The following CTNND2 variants were observed in gnomAD, a reference collection of about 807,000 sequenced individuals.
CTNND2 encodes catenin delta-2.
In CTNND2, 22 loss-of-function variants were observed where a neutral mutation model predicts 144.4. That is an observed-to-expected ratio of 0.15 (90% CI 0.11 to 0.22). The LOEUF (loss-of-function observed/expected upper bound fraction) is 0.22. Ranked by LOEUF, CTNND2 falls within the 10% of genes least tolerant of loss-of-function variation. The probability of loss-of-function intolerance (pLI) is 1.00; values close to 1 mark genes in which losing one functional copy is unlikely to be tolerated. For synonymous variants in CTNND2, 751 were observed against 695.6 expected (o/e 1.08, Z -1.25); for missense variants, 1,353 against 1,618.8 (o/e 0.84, Z 2.82).
chr5:11,878,960 C>T (rs1394003453), intron 1 of CTNND2, among the ~76,000 whole-genome samples: 1 of 152,190 alleles, frequency 6.6e-6, no homozygotes, highest in Non-Finnish European at 1.5e-5. Context: ...GAAGCTTTTA[C>T]AGGGTTCTTC....
chr5:11,297,117 G>A (rs943652842), intron 9 of CTNND2, among the ~76,000 whole-genome samples: 1 of 152,162 alleles, frequency 6.6e-6, no homozygotes, highest in African/African-American at 2.4e-5. Context: ...AGTCAGCCCA[G>A]TATGTGCCAA....
intron 1 of CTNND2, among the ~76,000 whole-genome samples, chr5:11,765,220 T>C (rs1789512854): frequency 6.6e-6 from 1 of 152,092 alleles, no homozygotes; most frequent in African/African-American, 2.4e-5. Context: ...ATGAAACAAA[T>C]GTTAAAATGG....
intron 3 of CTNND2, among the ~76,000 whole-genome samples, chr5:11,527,426 C>T (rs114318593): frequency 0.013 from 1,930 of 152,228 alleles, 17 homozygotes; most frequent in Non-Finnish European, 0.019. Context: ...CTGCATCCCG[C>T]ACAAGGCCTT....
chr5:11,288,596 T>G (rs1397126531), intron 9 of CTNND2, among the ~76,000 whole-genome samples: 1 of 151,966 alleles, frequency 6.6e-6, no homozygotes, highest in Non-Finnish European at 1.5e-5. Context: ...TTGGACAAAC[T>G]AATGGGGGAA....
chr5:11,805,929 G>A (rs1027716324), intron 1 of CTNND2, among the ~76,000 whole-genome samples: 5 of 152,228 alleles, frequency 3.3e-5, no homozygotes, highest in African/African-American at 9.6e-5. Flanking sequence ...CAAGGTCAAC[G>A]TCAATAATGG....
chr5:11,665,362 C>T (rs1301459970), intron 2 of CTNND2, among the ~76,000 whole-genome samples: 1 of 152,104 alleles, frequency 6.6e-6, no homozygotes, highest in Non-Finnish European at 1.5e-5. Flanking sequence ...AGTTGTGGTA[C>T]TGGTTTATAT....
In CTNND2 at chr5:11,614,972, G is replaced by C. The variant is rs532794423; in HGVS notation, c.175-49916C>G. On this transcript the variant is annotated intron_variant, in intron 2 of 21. Coordinates refer to ENST00000304623, the MANE Select transcript of CTNND2 (RefSeq NM_001332.4). ...AAATGGGCAATGATGCAAAATATGTGTTTTGTCTCACCATTTAAACATCAT... is the reference window on the plus strand; with the variant it reads ...AAATGGGCAATGATGCAAAATATGTCTTTTGTCTCACCATTTAAACATCAT... Among the ~76,000 whole-genome samples, 4 of 152,016 alleles carry C rather than the reference G, an allele frequency of 2.6e-5. No homozygotes were observed. In the East Asian group the frequency reaches 7.8e-4, roughly 30 times the overall value.
chr5:11,633,791 A>T (rs201425417), intron 2 of CTNND2, among the ~76,000 whole-genome samples: 6,183 of 151,548 alleles, frequency 0.041, 209 homozygotes, highest in East Asian at 0.11. Flanking sequence ...AAAAAAAAAA[A>T]TTAGTACAAC....
chr5:11,056,757 G>A (rs1207566808), intron 16 of CTNND2, among the ~76,000 whole-genome samples: 4 of 152,200 alleles, frequency 2.6e-5, no homozygotes, highest in African/African-American at 9.7e-5. Flanking sequence ...AAAGGGCAGT[G>A]CCATTCATAA....
chr5:11,475,093 G>T (rs919746286), intron 3 of CTNND2, among the ~76,000 whole-genome samples: 2 of 152,144 alleles, frequency 1.3e-5, no homozygotes, highest in Non-Finnish European at 2.9e-5. Context: ...TGTGTCTCAG[G>T]TATTACCGCC....
intron 1 of CTNND2, among the ~76,000 whole-genome samples, chr5:11,809,586 C>T (rs989406214): frequency 2.0e-5 from 3 of 152,134 alleles, no homozygotes; most frequent in African/African-American, 7.2e-5. Context: ...TGAGTCAGGG[C>T]GGACCACAGG....
intron 13 of CTNND2, among the ~76,000 whole-genome samples, chr5:11,116,255 C>T (rs1351978358): frequency 6.6e-6 from 1 of 152,194 alleles, no homozygotes; most frequent in African/African-American, 2.4e-5. Context: ...TTGCTCCCTG[C>T]AGGACATGTG....
chr5:11,791,905 A>G (rs1181231925), intron 1 of CTNND2, among the ~76,000 whole-genome samples: 2 of 152,168 alleles, frequency 1.3e-5, no homozygotes, highest in African/African-American at 4.8e-5. Context: ...CAGATACTCT[A>G]GGCAAACAAA....
intron 2 of CTNND2, among the ~76,000 whole-genome samples, chr5:11,682,250 A>C (rs975705573): frequency 3.9e-5 from 6 of 152,218 alleles, no homozygotes; most frequent in Non-Finnish European, 8.8e-5. Flanking sequence ...CTGTGCCTGA[A>C]GCCTTGGGCA....
chr5:11,240,453 ACCC>A (rs555703730), intron 9 of CTNND2, among the ~76,000 whole-genome samples: 28 of 91,596 alleles, frequency 3.1e-4, no homozygotes, highest in Admixed American at 7.5e-4. Context: ...ACATACACAC[ACCC>A]CCCAACACAC....
chr5:11,319,924 T>C (rs1467452101), intron 9 of CTNND2, among the ~76,000 whole-genome samples: 1 of 152,222 alleles, frequency 6.6e-6, no homozygotes, highest in African/African-American at 2.4e-5. Flanking sequence ...TAGTGTGAAA[T>C]GCATAACGTG....
chr5:11,200,922 G>GCCC (rs34134522), intron 10 of CTNND2, among the ~76,000 whole-genome samples: 21,422 of 151,980 alleles, frequency 0.14, 2,213 homozygotes, highest in African/African-American at 0.3. Context: ...CTCGTGATCC[G>GCCC]CCCGCCTCAG....
chr5:11,166,853 T>A (rs1029054892), intron 11 of CTNND2, among the ~76,000 whole-genome samples: 1 of 151,670 alleles, frequency 6.6e-6, no homozygotes, highest in African/African-American at 2.4e-5. Flanking sequence ...ATTTTGAGAG[T>A]CCTTCTAGAT....
At chr5:11,443,872 T>TA (rs5865941) in intron 3 of CTNND2, among the ~76,000 whole-genome samples, 7,442 of 144,156 alleles carry the variant, frequency 0.052, 586 homozygotes, top group African/African-American at 0.2. Context: ...TTGGGTGGCA[T>TA]AAAAAAACTA....
Sources: gnomAD v4.1 joint callset for allele counts (sites outside exome capture counted in the v4.1 genomes callset) on GRCh38, gnomAD v4.1.1 for gene constraint, MANE v1.5 for transcripts, NCBI Gene and HGNC (gene_info 2026-07-23, HGNC 2026-07-21) for gene names.